EPB41L4B: variants seen among roughly 807,000 people sequenced by gnomAD.
EPB41L4B encodes the protein band 4.1-like protein 4B.
In EPB41L4B, 30 loss-of-function variants were observed where a neutral mutation model predicts 112.5. The ratio of observed to expected loss-of-function variants is 0.27; its 90% CI spans 0.20 to 0.36. The LOEUF (loss-of-function observed/expected upper bound fraction) is 0.36, where lower values mean the gene tolerates loss of function less well. EPB41L4B is among the 10% of genes least tolerant of loss of function. The probability of loss-of-function intolerance (pLI) is 1.00; values close to 1 mark genes in which losing one functional copy is unlikely to be tolerated. For missense variants in EPB41L4B, 1,024 were observed against 1,133.3 expected, an observed-to-expected ratio of 0.90 and a Z score of 1.38; for synonymous variants, 408 against 439.7, an observed-to-expected ratio of 0.93 and a Z score of 0.90.
At chr9:109,269,249 A>T (rs561217403) in intron 2 of EPB41L4B, among the ~76,000 whole-genome samples, 7 of 152,366 alleles carry the variant, frequency 4.6e-5, no homozygotes, top group African/African-American at 1.7e-4. Flanking sequence ...CCACACGGCA[A>T]ATGCAAAGGC....
chr9:109,200,538 A>G (rs1229873355), intron 19 of EPB41L4B, among the ~76,000 whole-genome samples: 1 of 152,178 alleles, frequency 6.6e-6, no homozygotes, highest in Admixed American at 6.5e-5. Context: ...TAAGAAAAAA[A>G]TCATAGGGAA....
Position 109,320,152 on chromosome 9 carries a change from C to T in EPB41L4B, c.295G>A (p.Val99Met). 1 of 1,470,692 alleles carries T rather than the reference C, an allele frequency of 6.8e-7. No individual in the cohort carries two copies. The highest frequency in any genetic ancestry group is 9.0e-7 in the Non-Finnish European group (1 of 1,108,592). The allele number at this position is 1,470,692 out of a possible 1,614,324, so 91.1% of individuals were successfully genotyped here. ...GCCCCGTCACTCACCGGCAGGTCCA[C>T]GCTCACTTCGGTCCCGTCGAGCAGG... is the stretch of plus-strand genomic sequence containing the variant. ...VFLLDGTEVS[V>M]DLPKHAKGQD... Residue 99 changes from valine to methionine, a missense_variant, in exon 1 of 26, where the codon GTG becomes ATG. Val to Met is a conservative substitution (Grantham distance 21). Transcript: ENST00000374566.
chr9:109,196,420 T>TA (rs1296327393), intron 20 of EPB41L4B: 2 of 152,134 alleles, frequency 1.3e-5, no homozygotes, highest in African/African-American at 2.4e-5. Flanking sequence ...CTGGTATCAA[T>TA]AAAAAATGAC....
chr9:109,204,496 ATTTC>A (rs1832932526), intron 18 of EPB41L4B, among the ~76,000 whole-genome samples: 1 of 151,984 alleles, frequency 6.6e-6, no homozygotes, highest in Admixed American at 6.6e-5. Context: ...TTTGTTTTTG[ATTTC>A]TTTATTTCTT....
intron 1 of EPB41L4B, among the ~76,000 whole-genome samples, chr9:109,313,096 C>T (rs562753074): frequency 3.7e-4 from 56 of 151,920 alleles, no homozygotes; most frequent in African/African-American, 1.3e-3. Flanking sequence ...GAAAAAAAAA[C>T]CTTCTCCAAC....
At chr9:109,304,215 G>GA (rs1292717371) in intron 1 of EPB41L4B, among the ~76,000 whole-genome samples, 1 of 152,202 alleles carries the variant, frequency 6.6e-6, no homozygotes, top group Admixed American at 6.5e-5. Flanking sequence ...GCACTACTTT[G>GA]AAAAGAAACC....
At chr9:109,281,509 C>G (rs555154586) in intron 1 of EPB41L4B, among the ~76,000 whole-genome samples, 63 of 152,198 alleles carry the variant, frequency 4.1e-4, no homozygotes, top group African/African-American at 1.4e-3. Flanking sequence ...TCAAGACCAG[C>G]CTGGCCAACA....
intron 4 of EPB41L4B, among the ~76,000 whole-genome samples, chr9:109,266,121 C>T (rs1308453695): frequency 6.6e-6 from 1 of 152,212 alleles, no homozygotes; most frequent in Non-Finnish European, 1.5e-5. Context: ...ACAGTATAAA[C>T]ATGGCCAGAA....
chr9:109,285,239 A>G (rs1450981745), intron 1 of EPB41L4B, among the ~76,000 whole-genome samples: 1 of 152,256 alleles, frequency 6.6e-6, no homozygotes, highest in East Asian at 1.9e-4. Flanking sequence ...CGTAAAATGA[A>G]GAGGGTTAGC....
chr9:109,277,468 A>G (rs1835878409), intron 2 of EPB41L4B, among the ~76,000 whole-genome samples: 1 of 152,208 alleles, frequency 6.6e-6, no homozygotes, highest in Non-Finnish European at 1.5e-5. Flanking sequence ...GTCTGTGCTC[A>G]GATCCAGACA....
intron 14 of EPB41L4B, among the ~76,000 whole-genome samples, chr9:109,247,271 T>C (rs894917574): frequency 1.3e-5 from 2 of 152,108 alleles, no homozygotes; most frequent in Admixed American, 1.3e-4. Context: ...CATGTCTTTC[T>C]TGCAGGATTT....
At chr9:109,298,674 AT>A (rs1205811738) in intron 1 of EPB41L4B, among the ~76,000 whole-genome samples, 1 of 152,218 alleles carries the variant, frequency 6.6e-6, no homozygotes, top group African/African-American at 2.4e-5. Context: ...TGGTACTATG[AT>A]GAAATATTAC....
chr9:109,225,765 T>C (rs991980709), intron 15 of EPB41L4B, among the ~76,000 whole-genome samples: 1 of 152,084 alleles, frequency 6.6e-6, no homozygotes, highest in African/African-American at 2.4e-5. Context: ...TAGTGATGCT[T>C]GAAGCAGGTC....
At chr9:109,283,500 A>T (rs1051906242) in intron 1 of EPB41L4B, among the ~76,000 whole-genome samples, 3 of 152,202 alleles carry the variant, frequency 2.0e-5, no homozygotes, top group Admixed American at 2.0e-4. Flanking sequence ...AGACGGCCTC[A>T]TCTCTCCACC....
At chr9:109,191,540 T>C (rs772173837) in intron 22 of EPB41L4B, among the ~76,000 whole-genome samples, 73 of 152,298 alleles carry the variant, frequency 4.8e-4, no homozygotes, top group Admixed American at 1.6e-3. Flanking sequence ...GCATTGCCCC[T>C]CAGATCACGG....
rs59804980 is a variant in EPB41L4B, at chr9:109,229,962, A to G, written c.1410-12817T>C. ...ATTCGCCCGGAACTGTGGCTCTCCA[A>G]TTGGGACTCTCTTAGGATAATTGAC... On this transcript the variant is annotated intron_variant, in intron 15 of 25. Coordinates refer to ENST00000374566, the MANE Select transcript of EPB41L4B (RefSeq NM_019114.5). 6.6e-3 allele frequency among the ~76,000 whole-genome samples: 998 copies of G among 152,256 alleles called. 10 individuals carry two copies. Among genetic ancestry groups the G allele is most frequent in the African/African-American group, 0.023 (952 of 41,550 alleles).
chr9:109,278,184 G>A (rs1190648286), intron 2 of EPB41L4B, among the ~76,000 whole-genome samples: 1 of 152,192 alleles, frequency 6.6e-6, no homozygotes, highest in South Asian at 2.1e-4. Context: ...CTTCTCCCGG[G>A]TCCGGTGGAC....
At chr9:109,237,518 A>G (rs1382200222) in intron 15 of EPB41L4B, among the ~76,000 whole-genome samples, 3 of 152,196 alleles carry the variant, frequency 2.0e-5, no homozygotes, top group African/African-American at 7.2e-5. Context: ...AACTCTTTGG[A>G]AGGAAGCCAT....
intron 6 of EPB41L4B, among the ~76,000 whole-genome samples, chr9:109,260,695 G>T (rs954413751): frequency 8.5e-5 from 13 of 152,298 alleles, no homozygotes; most frequent in African/African-American, 3.1e-4. Flanking sequence ...GATTACAGGG[G>T]TGAGCCATCG....
Sources: allele counts gnomAD v4.1 joint callset (sites outside exome capture counted in the v4.1 genomes callset), GRCh38; gene constraint gnomAD v4.1.1; transcripts MANE v1.5; gene names NCBI Gene and HGNC (gene_info 2026-07-23, HGNC 2026-07-21).